Variants in B3GALT1 observed in about 807,000 individuals in gnomAD.
The protein encoded by B3GALT1 is beta-1,3-galactosyltransferase 1, also known as UDP-Gal:betaGlcNAc beta 1,3-galactosyltransferase, polypeptide 1.
In B3GALT1, 10 loss-of-function variants were observed where a neutral mutation model predicts 23.2. That is an observed-to-expected ratio of 0.43 (90% CI 0.27 to 0.73). The LOEUF (loss-of-function observed/expected upper bound fraction) is 0.73, where lower values mean the gene tolerates loss of function less well. B3GALT1 is among the 30% of genes least tolerant of loss of function. B3GALT1 has a pLI of 0.21. For missense variants in B3GALT1, 299 were observed against 405.4 expected (o/e 0.74, Z 2.25); for synonymous variants, 156 against 141.5 (o/e 1.10, Z -0.73).
intron 3 of B3GALT1, among the ~76,000 whole-genome samples, chr2:167,705,741 C>T (rs1197680521): frequency 6.6e-6 from 1 of 152,198 alleles, no homozygotes; most frequent in African/African-American, 2.4e-5. Flanking sequence ...TTTTCAGAAA[C>T]TGAGGACATA....
intron 2 of B3GALT1, among the ~76,000 whole-genome samples, chr2:167,507,562 G>C (rs1179478417): frequency 9.6e-6 from 1 of 104,388 alleles, no homozygotes; most frequent in Non-Finnish European, 2.1e-5. Context: ...ATTAAGAAAA[G>C]AATAGTTGGA....
At chr2:167,599,407 A>G (rs1684835168) in intron 2 of B3GALT1, among the ~76,000 whole-genome samples, 1 of 152,196 alleles carries the variant, frequency 6.6e-6, no homozygotes, top group Admixed American at 6.5e-5. Context: ...AACAGATCAC[A>G]TTTCTGGTTT....
intron 1 of B3GALT1, among the ~76,000 whole-genome samples, chr2:167,360,719 C>A (rs1355479020): frequency 3.9e-5 from 6 of 152,126 alleles, no homozygotes; most frequent in Non-Finnish European, 5.9e-5. Context: ...ATGTTAGGAA[C>A]ATTATAGTTC....
chr2:167,305,993 C>A (rs916964307), intron 1 of B3GALT1, among the ~76,000 whole-genome samples: 1 of 151,910 alleles, frequency 6.6e-6, no homozygotes, highest in Non-Finnish European at 1.5e-5. Flanking sequence ...CAATTGAAAT[C>A]GGTATAGCCC....
chr2:167,567,220 A>G (rs1196208467), intron 2 of B3GALT1, among the ~76,000 whole-genome samples: 1 of 152,192 alleles, frequency 6.6e-6, no homozygotes, highest in Admixed American at 6.5e-5. Flanking sequence ...AGAAAACTGT[A>G]TCTTAAAACT....
intron 3 of B3GALT1, among the ~76,000 whole-genome samples, chr2:167,813,812 G>T (rs1688937785): frequency 6.6e-6 from 1 of 152,170 alleles, no homozygotes; most frequent in African/African-American, 2.4e-5. Context: ...GTTTCTTAAA[G>T]ATAATAGTAT....
chr2:167,814,557 C>G (rs1025800238), intron 3 of B3GALT1, among the ~76,000 whole-genome samples: 1 of 151,900 alleles, frequency 6.6e-6, no homozygotes, highest in Non-Finnish European at 1.5e-5. Flanking sequence ...GTCAGGAGAT[C>G]GAGAACATCC....
At chr2:167,592,545 C>T (rs901065930) in intron 2 of B3GALT1, among the ~76,000 whole-genome samples, 1 of 152,194 alleles carries the variant, frequency 6.6e-6, no homozygotes, top group Non-Finnish European at 1.5e-5. Context: ...TTGTTTAATG[C>T]TCTTTCTATC....
chr2:167,793,204 G>A (rs753053288), intron 3 of B3GALT1, among the ~76,000 whole-genome samples: 3 of 152,098 alleles, frequency 2.0e-5, no homozygotes, highest in Non-Finnish European at 4.4e-5. Context: ...AGTGCCCACA[G>A]TTCCAAGCAT....
At chr2:167,610,922 AAAAAAG>A (rs1181971109) in intron 2 of B3GALT1, among the ~76,000 whole-genome samples, 3 of 150,402 alleles carry the variant, frequency 2.0e-5, no homozygotes, top group Non-Finnish European at 3.0e-5. Context: ...AAAAAAAAAA[AAAAAAG>A]AGAGAGAGAG....
intron 1 of B3GALT1, among the ~76,000 whole-genome samples, chr2:167,469,567 G>T (rs564535199): frequency 6.6e-6 from 1 of 152,130 alleles, no homozygotes; most frequent in Non-Finnish European, 1.5e-5. Flanking sequence ...CCCATGGTAA[G>T]AATACATTCT....
At chr2:167,699,233 T>G (rs527291030) in intron 3 of B3GALT1, among the ~76,000 whole-genome samples, 10 of 152,124 alleles carry the variant, frequency 6.6e-5, no homozygotes, top group African/African-American at 2.2e-4. Context: ...ATTGATTTTG[T>G]TTTTTTCTCA....
intron 3 of B3GALT1, among the ~76,000 whole-genome samples, chr2:167,704,074 G>C (rs1184985725): frequency 6.6e-6 from 1 of 151,710 alleles, no homozygotes; most frequent in African/African-American, 2.4e-5. Flanking sequence ...CCAGCTACTC[G>C]GGAGGCTGAG....
chr2:167,330,746 T>C (rs1382728028), intron 1 of B3GALT1, among the ~76,000 whole-genome samples: 2 of 152,272 alleles, frequency 1.3e-5, no homozygotes, highest in Non-Finnish European at 2.9e-5. Flanking sequence ...ATTGTTATTC[T>C]GATTTCTTTA....
At chr2:167,317,043 T>C (rs1696731268) in intron 1 of B3GALT1, among the ~76,000 whole-genome samples, 1 of 152,254 alleles carries the variant, frequency 6.6e-6, no homozygotes, top group Admixed American at 6.5e-5. Context: ...TCCATTTTCC[T>C]AAGCCGTTAA....
chr2:167,746,636 T>C (rs1367838486), intron 3 of B3GALT1, among the ~76,000 whole-genome samples: 1 of 152,224 alleles, frequency 6.6e-6, no homozygotes, highest in Admixed American at 6.5e-5. Flanking sequence ...GACAAATTGG[T>C]CATACACTTC....
At chr2:167,426,264 T>G (rs1698622546) in intron 1 of B3GALT1, among the ~76,000 whole-genome samples, 1 of 151,530 alleles carries the variant, frequency 6.6e-6, no homozygotes, top group Admixed American at 6.6e-5. Context: ...CATTCAGGAT[T>G]TGTTTATCAT....
intron 2 of B3GALT1, among the ~76,000 whole-genome samples, chr2:167,564,755 A>C (rs56276741): frequency 0.037 from 5,677 of 152,332 alleles, 378 homozygotes; most frequent in African/African-American, 0.13. Context: ...TCCCATTCAC[A>C]ATTGCTTCAA....
intron 2 of B3GALT1, among the ~76,000 whole-genome samples, chr2:167,566,245 G>A (rs748743718): frequency 9.9e-5 from 15 of 151,640 alleles, no homozygotes; most frequent in African/African-American, 2.2e-4. Flanking sequence ...ATAAACTATC[G>A]CAAGGAGAAA....
Sources: gnomAD v4.1 joint callset for allele counts (sites outside exome capture counted in the v4.1 genomes callset) on GRCh38, gnomAD v4.1.1 for gene constraint, MANE v1.5 for transcripts, NCBI Gene and HGNC (gene_info 2026-07-23, HGNC 2026-07-21) for gene names.